The following RANBP2 variants were observed in gnomAD, a reference collection of about 807,000 sequenced individuals.
RANBP2 encodes the protein RAN binding protein 2.
Under a neutral mutation model 303.6 loss-of-function variants are expected in RANBP2, and 57 were observed. The ratio of observed to expected loss-of-function variants is 0.19; its 90% CI spans 0.15 to 0.23. The LOEUF (loss-of-function observed/expected upper bound fraction) is 0.23. Ranked by LOEUF, RANBP2 falls within the 10% of genes least tolerant of loss-of-function variation. The pLI, the probability that RANBP2 is intolerant of heterozygous loss-of-function variation, is 1.00. For missense variants in RANBP2, 3,138 were observed against 3,780.8 expected, an observed-to-expected ratio of 0.83 and a Z score of 4.46; for synonymous variants, 1,167 against 1,301.5, an observed-to-expected ratio of 0.90 and a Z score of 2.23.
chr2:108,874,967 G>T, the RANBP2 span, among the ~76,000 whole-genome samples: 1 of 151,090 alleles, frequency 6.6e-6, no homozygotes. Context: ...TATAACCTTG[G>T]GCCAAAATGT....
the RANBP2 span, among the ~76,000 whole-genome samples, chr2:109,681,258 G>T: frequency 6.6e-6 from 1 of 152,226 alleles, no homozygotes; most frequent in South Asian, 2.1e-4. Flanking sequence ...CCAGAGGAGG[G>T]TTTCTCAGAA....
At chr2:109,546,261 A>C in the RANBP2 span, 1 of 1,473,588 alleles carries the variant, frequency 6.8e-7, no homozygotes, top group Non-Finnish European at 9.1e-7. Flanking sequence ...TGCAATCCCC[A>C]CTACTGACAC....
chr2:108,768,038 C>A lies in RANBP2; in HGVS notation c.7499C>A (p.Thr2500Lys), dbSNP rs140280672. ...ACTTCAGAAGTTGAAGTGTCTAGCA[C>A]ATCTGAAACAACACCAAAAGCAGTG... is the stretch of plus-strand genomic sequence containing the variant. ...DATSEVEVSS[T>K]SETTPKAVVS... The change falls in exon 20 of 29, where the codon ACA (threonine) becomes AAA (lysine). Residue 2500 changes from threonine (T) to lysine (K), a missense_variant. Physicochemically the swap from Thr to Lys is moderately conservative, Grantham distance 78 (BLOSUM62 -1). Around this residue, in one of 20 missense-constraint regions of RANBP2, gnomAD observed 497 missense variants for 465.8 expected, o/e 1.07. Transcript: ENST00000283195. The A allele has an allele frequency of 1.2e-6, 2 of 1,611,894 alleles. No homozygotes were observed. Among genetic ancestry groups the A allele is most frequent in the Non-Finnish European group, 1.7e-6 (2 of 1,179,868 alleles).
chr2:109,063,941 T>G, the RANBP2 span, among the ~76,000 whole-genome samples: 1 of 152,176 alleles, frequency 6.6e-6, no homozygotes, highest in African/African-American at 2.4e-5. Flanking sequence ...TTCTCATGAT[T>G]GTTGCTTCAT....
At chr2:108,900,364 T>C in the RANBP2 span, among the ~76,000 whole-genome samples, 3 of 152,284 alleles carry the variant, frequency 2.0e-5, no homozygotes, top group East Asian at 5.8e-4. Context: ...TAGACCAGCC[T>C]GGTCAACACG....
chr2:109,122,564 A>C, the RANBP2 span, among the ~76,000 whole-genome samples: 1 of 152,180 alleles, frequency 6.6e-6, no homozygotes, highest in Non-Finnish European at 1.5e-5. Context: ...GTCTTACTAA[A>C]GCCCCCATCA....
At chr2:109,726,423 A>C in the RANBP2 span, among the ~76,000 whole-genome samples, 1 of 151,900 alleles carries the variant, frequency 6.6e-6, no homozygotes, top group Non-Finnish European at 1.5e-5. Flanking sequence ...AAAACCCCCC[A>C]AAAAACAAAA....
chr2:108,880,392 G>A, the RANBP2 span, among the ~76,000 whole-genome samples: 1 of 152,158 alleles, frequency 6.6e-6, no homozygotes. Flanking sequence ...ATCCTAACAA[G>A]TTATTTTGTG....
the RANBP2 span, among the ~76,000 whole-genome samples, chr2:109,522,838 GGA>G: frequency 6.6e-6 from 1 of 152,210 alleles, no homozygotes; most frequent in African/African-American, 2.4e-5. Flanking sequence ...TGCCCAGGGT[GGA>G]AGCACGTGGC....
At chr2:109,503,668 C>T in the RANBP2 span, 1 of 152,336 alleles carries the variant, frequency 6.6e-6, no homozygotes, top group South Asian at 2.1e-4. Context: ...GATCAACAAC[C>T]TGGATGACGC....
At chr2:108,929,190 G>A in the RANBP2 span, 1 of 1,613,872 alleles carries the variant, frequency 6.2e-7, no homozygotes. Context: ...AGGAGGGCCT[G>A]TGCTTACCCA....
the RANBP2 span, among the ~76,000 whole-genome samples, chr2:109,343,010 A>G: frequency 6.6e-6 from 1 of 152,264 alleles, no homozygotes; most frequent in Admixed American, 6.5e-5. Flanking sequence ...TTTGAATGGA[A>G]TTCCTCTGAA....
At chr2:109,485,511 A>G in the RANBP2 span, among the ~76,000 whole-genome samples, 1 of 152,260 alleles carries the variant, frequency 6.6e-6, no homozygotes, top group Non-Finnish European at 1.5e-5. Context: ...ATGTTCTACT[A>G]AACAGTTAAG....
At chr2:109,577,471 T>C in the RANBP2 span, among the ~76,000 whole-genome samples, 1 of 151,604 alleles carries the variant, frequency 6.6e-6, no homozygotes, top group Non-Finnish European at 1.5e-5. Flanking sequence ...CAGGTGCCTG[T>C]ATCCCAGGTA....
the RANBP2 span, among the ~76,000 whole-genome samples, chr2:109,204,467 G>A: frequency 6.6e-6 from 1 of 152,170 alleles, no homozygotes; most frequent in Non-Finnish European, 1.5e-5. Flanking sequence ...TTCACTTGTG[G>A]CTTTTGTTAT....
At chr2:109,705,250 T>TAA in the RANBP2 span, among the ~76,000 whole-genome samples, 1 of 151,340 alleles carries the variant, frequency 6.6e-6, no homozygotes, top group African/African-American at 2.4e-5. Flanking sequence ...ACTAAAAATA[T>TAA]AAAAATTAGC....
the RANBP2 span, among the ~76,000 whole-genome samples, chr2:109,220,523 T>C: frequency 2.0e-5 from 3 of 152,214 alleles, no homozygotes; most frequent in African/African-American, 7.2e-5. Context: ...TTGCAAATCA[T>C]TGTTTAGTAA....
the RANBP2 span, among the ~76,000 whole-genome samples, chr2:109,251,805 C>T: frequency 1.3e-5 from 2 of 152,038 alleles, no homozygotes; most frequent in Non-Finnish European, 2.9e-5. Context: ...CTAAAAAATA[C>T]CAAATATTTA....
At chr2:109,064,947 ATT>A in the RANBP2 span, among the ~76,000 whole-genome samples, 21 of 152,242 alleles carry the variant, frequency 1.4e-4, no homozygotes, top group Non-Finnish European at 2.8e-4. Flanking sequence ...TGAAATAAAA[ATT>A]TCACGAGATT....
Sources: allele counts gnomAD v4.1 joint callset (sites outside exome capture counted in the v4.1 genomes callset), GRCh38; gene constraint gnomAD v4.1.1; regional missense constraint gnomAD v4.1.1; transcripts MANE v1.5; gene names NCBI Gene and HGNC (gene_info 2026-07-23, HGNC 2026-07-21).